HEMGN: variants seen among roughly 807,000 people sequenced by gnomAD.
The protein encoded by HEMGN is erythroid differentiation-associated gene protein.
HEMGN carries 32 observed loss-of-function variants against 45.7 expected under a neutral mutation model. The ratio of observed to expected loss-of-function variants is 0.70; its 90% CI spans 0.53 to 0.94. HEMGN has a LOEUF of 0.94. Among genes scored for constraint, HEMGN ranks in the 40% least tolerant of loss-of-function variants. HEMGN has a pLI of 0.00. For synonymous variants in HEMGN, 183 were observed against 178.6 expected (o/e 1.02, Z -0.20); for missense variants, 530 against 564.2 (o/e 0.94, Z 0.61).
At chr9:97,931,637 A>G (rs1361928952) in intron 2 of HEMGN, among the ~76,000 whole-genome samples, 2 of 152,244 alleles carry the variant, frequency 1.3e-5, no homozygotes, top group African/African-American at 4.8e-5. Context: ...CCTACCCCTG[A>G]GTAAACTCAT....
In HEMGN at chr9:97,936,174, A is replaced by C. The variant is rs1564123028; in HGVS notation, c.170T>G (p.Phe57Cys). The change falls in exon 2 of 4, where the codon TTT (phenylalanine) becomes TGT (cysteine). Residue 57 changes from phenylalanine to cysteine, a missense_variant. Phe to Cys is a radical substitution (Grantham distance 205). Coordinates refer to ENST00000616898, the MANE Select transcript of HEMGN (RefSeq NM_197978.3). Reference sequence around the variant, plus strand: ...TTCCCTTGTGATGCTACCATACCCAAATAGCCATTGTGATGTTTCCTTTTC... The same window carrying C: ...TTCCCTTGTGATGCTACCATACCCACATAGCCATTGTGATGTTTCCTTTTC... ...VHEKETSQWL[F>C]GEQKKRKQQR... is the part of the protein sequence containing the mutation. The C allele has an allele frequency of 1.9e-6, 3 of 1,605,518 alleles. No individual in the cohort carries two copies. The highest frequency in any genetic ancestry group is 2.2e-5 in the South Asian group (2 of 90,918).
intron 3 of HEMGN, 76 bp downstream of exon 3, chr9:97,929,959 C>G (rs1826909403): frequency 9.4e-7 from 1 of 1,067,164 alleles, no homozygotes; most frequent in Non-Finnish European, 1.4e-6. Context: ...AGGGAATACC[C>G]AGGATTGTCA....
intron 3 of HEMGN, 91 bp downstream of exon 3, chr9:97,929,944 A>G (rs904915318): frequency 1.0e-5 from 9 of 902,030 alleles, no homozygotes; most frequent in African/African-American, 3.4e-5. Flanking sequence ...ATCCATTGAA[A>G]TAACAGGGAA....
upstream of HEMGN, among the ~76,000 whole-genome samples, chr9:97,941,851 G>A (rs776104697): frequency 6.6e-6 from 1 of 152,190 alleles, no homozygotes; most frequent in Non-Finnish European, 1.5e-5. Context: ...AATCCACTGT[G>A]TCAAACTTTG....
chr9:97,942,274 C>CTTTTTTTTTTTT (rs56055830), upstream of HEMGN, among the ~76,000 whole-genome samples: 13 of 128,180 alleles, frequency 1.0e-4, no homozygotes, highest in African/African-American at 1.4e-4. Flanking sequence ...CTAATTCCTT[C>CTTTTTTTTTTTT]TTTTTTTTTT....
rs1240492322 is a variant in HEMGN, at chr9:97,930,930, T to C, written c.465A>G (p.Val155=). Residue 155 remains valine (V), a synonymous_variant, in exon 3 of 4, where the codon GTA becomes GTG. Transcript: ENST00000616898. ...GGCATGTTTCAGAAGAATGGTTTTG[T>C]ACTGCTATTTCTTGGTACTCAGAAA... ...ENFSEYQEIA[V]QNHSSETCQH... 1 of 1,614,108 alleles carries C rather than the reference T, an allele frequency of 6.2e-7. No homozygotes were observed. The highest frequency in any genetic ancestry group is 8.5e-7 in the Non-Finnish European group (1 of 1,180,038).
rs933370533 is a variant in HEMGN at position 97,938,077 on chromosome 9, T to A, written c.60A>T (p.Gln20His). The stretch of plus-strand genomic sequence containing the variant: ...CATTACCTGGAGAATGGTTCTCTTC[T>A]TGATGAGGGTCAGGTGTCTGATGGT... ...LKHHQTPDPH[Q>H]EENHSPEVIG... The change falls in exon 1 of 4, where the codon CAA (glutamine) becomes CAT (histidine). Residue 20 changes from glutamine (Q) to histidine (H), a missense_variant. Physicochemically the swap from Gln to His is conservative, Grantham distance 24. Coordinates refer to ENST00000616898, the MANE Select transcript of HEMGN (RefSeq NM_197978.3). The A allele has an allele frequency of 6.2e-7, 1 of 1,611,568 alleles. No homozygotes were observed. Among genetic ancestry groups the A allele is most frequent in the African/African-American group, 1.3e-5 (1 of 74,734 alleles).
chr9:97,941,287 C>A (rs1353170743), upstream of HEMGN, among the ~76,000 whole-genome samples: 1 of 152,008 alleles, frequency 6.6e-6, no homozygotes, highest in Non-Finnish European at 1.5e-5. Context: ...GGTATAGGGG[C>A]ACCAGCAAAT....
chr9:97,934,309 T>G (rs914109691), intron 2 of HEMGN, among the ~76,000 whole-genome samples: 1 of 151,802 alleles, frequency 6.6e-6, no homozygotes, highest in African/African-American at 2.4e-5. Context: ...ATTGTGCCAC[T>G]GCACTCCAGC....
chr9:97,941,467 CA>C (rs375265759), upstream of HEMGN, among the ~76,000 whole-genome samples: 22 of 152,124 alleles, frequency 1.4e-4, no homozygotes, highest in African/African-American at 4.8e-4. Context: ...CTATGTGGGA[CA>C]GGGGCAGAGG....
In HEMGN at chr9:97,930,777, T is replaced by C. The variant is rs1359906390; in HGVS notation, c.618A>G (p.Gln206=). The stretch of plus-strand genomic sequence containing the variant: ...GATGGTCTTGAATTACAGATATTAC[T>C]TGGCATGTGTTAGGAGAGTTGTCTT... ...EPEDNSPNTC[Q]VISVIQDHPF... is the part of the protein sequence containing the mutation. The change falls in exon 3 of 4, where the codon CAA becomes CAG. Residue 206 remains glutamine (Q), a synonymous_variant. Transcript: ENST00000616898. The C allele has an allele frequency of 6.2e-7, 1 of 1,614,084 alleles. No homozygotes were observed. The highest frequency in any genetic ancestry group is 8.5e-7 in the Non-Finnish European group (1 of 1,180,002).
intron 1 of HEMGN, among the ~76,000 whole-genome samples, chr9:97,937,024 A>G (rs1269202418): frequency 2.0e-5 from 3 of 152,180 alleles, no homozygotes; most frequent in Non-Finnish European, 4.4e-5. Flanking sequence ...GTGAAGTGAT[A>G]CAAATCCACA....
At chr9:97,928,255 T>G (rs1012045975) in intron 3 of HEMGN, among the ~76,000 whole-genome samples, 1 of 152,082 alleles carries the variant, frequency 6.6e-6, no homozygotes, top group Non-Finnish European at 1.5e-5. Flanking sequence ...CTCGATCTCC[T>G]GACCTCGTGA....
intron 1 of HEMGN, 78 bp from the exon 2 acceptor site, chr9:97,936,342 G>A: frequency 1.1e-6 from 1 of 945,978 alleles, no homozygotes; most frequent in Non-Finnish European, 1.7e-6. Context: ...CCAAGTGGCA[G>A]AGTCTCTGTT....
intron 2 of HEMGN, among the ~76,000 whole-genome samples, chr9:97,934,969 T>C (rs1453031620): frequency 6.6e-6 from 1 of 152,164 alleles, no homozygotes; most frequent in Non-Finnish European, 1.5e-5. Flanking sequence ...TGCCACTTGA[T>C]GGAGAGCTGC....
chr9:97,932,803 C>CAAAAAAAAAAA (rs5899328), intron 2 of HEMGN, among the ~76,000 whole-genome samples: 1 of 87,292 alleles, frequency 1.1e-5, no homozygotes, highest in Non-Finnish European at 2.2e-5. Flanking sequence ...GACTCTGTCT[C>CAAAAAAAAAAA]AAAAAAAAAA....
upstream of HEMGN, among the ~76,000 whole-genome samples, chr9:97,941,529 A>G (rs1827152886): frequency 6.6e-6 from 1 of 152,222 alleles, no homozygotes; most frequent in Non-Finnish European, 1.5e-5. Context: ...ATGAGAGATA[A>G]TTAAGGTTTG....
chr9:97,928,025 ATTTTT>A (rs568022099), intron 3 of HEMGN, among the ~76,000 whole-genome samples: 2 of 127,460 alleles, frequency 1.6e-5, no homozygotes, highest in Non-Finnish European at 1.7e-5. Context: ...GATCAAGTGT[ATTTTT>A]TTTTTTTTTT....
At chr9:97,931,929 T>A (rs1375202620) in intron 2 of HEMGN, among the ~76,000 whole-genome samples, 3 of 152,184 alleles carry the variant, frequency 2.0e-5, no homozygotes, top group Non-Finnish European at 4.4e-5. Context: ...TTGCAGCCAG[T>A]GACAAATTGT....
Sources: allele counts gnomAD v4.1 joint callset (sites outside exome capture counted in the v4.1 genomes callset), GRCh38; gene constraint gnomAD v4.1.1; transcripts MANE v1.5; gene names NCBI Gene and HGNC (gene_info 2026-07-23, HGNC 2026-07-21).